Variants in PTPRN2 observed in about 807,000 individuals in gnomAD.
PTPRN2 encodes receptor-type tyrosine-protein phosphatase N2.
In PTPRN2, 74 loss-of-function variants were observed where a neutral mutation model predicts 118.8. The ratio of observed to expected loss-of-function variants is 0.62; its 90% CI spans 0.52 to 0.76. The LOEUF (loss-of-function observed/expected upper bound fraction) is 0.76. Ranked by LOEUF, PTPRN2 falls within the 30% of genes least tolerant of loss-of-function variation. PTPRN2 has a pLI of 0.00. For missense variants in PTPRN2, 1,481 were observed against 1,394.4 expected, an observed-to-expected ratio of 1.06 and a Z score of -0.99; for synonymous variants, 641 against 608.0, an observed-to-expected ratio of 1.05 and a Z score of -0.80.
intron 3 of PTPRN2, among the ~76,000 whole-genome samples, chr7:158,264,350 G>A (rs1333634467): frequency 2.0e-5 from 3 of 152,178 alleles, no homozygotes; most frequent in Non-Finnish European, 1.5e-5. Flanking sequence ...TCAAAGCACC[G>A]TGGAGTGAAG....
intron 1 of PTPRN2, among the ~76,000 whole-genome samples, chr7:158,569,032 A>C (rs1827818526): frequency 6.6e-6 from 1 of 152,176 alleles, no homozygotes; most frequent in Admixed American, 6.5e-5. Flanking sequence ...AGGCTGAGAC[A>C]GGAGAATCAC....
chr7:158,456,862 C>T (rs1399686647), intron 2 of PTPRN2, among the ~76,000 whole-genome samples: 7 of 152,192 alleles, frequency 4.6e-5, no homozygotes, highest in African/African-American at 1.4e-4. Context: ...GCAGCCTCCA[C>T]CTCCTGGGCT....
intron 12 of PTPRN2, 128 bp from the exon 13 acceptor site, chr7:157,683,065 C>T: frequency 1.2e-6 from 1 of 811,280 alleles, no homozygotes; most frequent in Non-Finnish European, 2.0e-6. Context: ...GCCCTGGAGC[C>T]ACAACGGGAG....
At chr7:157,625,106 C>G (rs557775672) in intron 14 of PTPRN2, among the ~76,000 whole-genome samples, 1 of 152,278 alleles carries the variant, frequency 6.6e-6, no homozygotes, top group African/African-American at 2.4e-5. Flanking sequence ...ATGCAGTGAA[C>G]AGGGAACACT....
At chr7:157,887,965 C>T (rs964491707) in intron 12 of PTPRN2, among the ~76,000 whole-genome samples, 1 of 150,460 alleles carries the variant, frequency 6.6e-6, no homozygotes, top group African/African-American at 2.5e-5. Flanking sequence ...CAGGCACCAC[C>T]GCCCCCTGCC....
intron 1 of PTPRN2, among the ~76,000 whole-genome samples, chr7:158,562,285 G>C (rs992362249): frequency 7.2e-5 from 11 of 152,280 alleles, no homozygotes; most frequent in African/African-American, 2.4e-4. Flanking sequence ...GCTCTCTGGA[G>C]CTGCCTTATT....
At chr7:157,745,548 T>C (rs562883458) in intron 12 of PTPRN2, among the ~76,000 whole-genome samples, 1 of 152,114 alleles carries the variant, frequency 6.6e-6, no homozygotes, top group Admixed American at 6.5e-5. Flanking sequence ...TGCTCACCTC[T>C]CTTCTCCCCT....
intron 12 of PTPRN2, among the ~76,000 whole-genome samples, chr7:157,708,464 G>T (rs181573606): frequency 3.4e-3 from 518 of 152,276 alleles, no homozygotes; most frequent in Non-Finnish European, 5.5e-3. Flanking sequence ...AGGTTGGGCA[G>T]TGGTGTGAGT....
intron 11 of PTPRN2, among the ~76,000 whole-genome samples, chr7:158,040,065 AAG>A (rs201380290): frequency 7.6e-5 from 9 of 117,816 alleles, no homozygotes; most frequent in East Asian, 5.9e-4. Context: ...ACAAAAAGCA[AAG>A]AGAGAGAGAG....
rs374642909 is a variant in PTPRN2 at position 158,445,989 on chromosome 7, C to T, written c.163+43746G>A. Among the ~76,000 whole-genome samples the T allele has an allele frequency of 9.9e-5, 15 of 152,264 alleles. No homozygotes were observed. The South Asian group carries it at 2.7e-3, about 27-fold the overall frequency. ...GACACTCAGCATGAGCAGGTAAACC[C>T]GGGCGCCCAGGTGAGCCTTCGGACC... On this transcript the variant is annotated intron_variant, in intron 2 of 22. Transcript: ENST00000389418.
chr7:157,919,305 T>C (rs1434533326), intron 11 of PTPRN2, among the ~76,000 whole-genome samples: 1 of 152,184 alleles, frequency 6.6e-6, no homozygotes, highest in Non-Finnish European at 1.5e-5. Flanking sequence ...ATCATTTGGG[T>C]ATTAAAAATA....
At chr7:157,731,298 C>T (rs1799885696) in intron 12 of PTPRN2, among the ~76,000 whole-genome samples, 1 of 152,200 alleles carries the variant, frequency 6.6e-6, no homozygotes, top group Admixed American at 6.5e-5. Context: ...AGCCCTGTTA[C>T]AGCCTAGTTG....
At chr7:157,692,930 C>A (rs1262395300) in intron 12 of PTPRN2, among the ~76,000 whole-genome samples, 1 of 152,064 alleles carries the variant, frequency 6.6e-6, no homozygotes, top group African/African-American at 2.4e-5. Flanking sequence ...CTCCCAGGGA[C>A]CTTCTCGGGC....
intron 4 of PTPRN2, among the ~76,000 whole-genome samples, chr7:158,193,828 C>T (rs1403743573): frequency 2.7e-5 from 4 of 150,676 alleles, no homozygotes; most frequent in Non-Finnish European, 4.4e-5. Context: ...CCATAGGAGA[C>T]GCCTCTACCA....
intron 6 of PTPRN2, among the ~76,000 whole-genome samples, chr7:158,153,877 G>T (rs1400593416): frequency 1.5e-5 from 2 of 131,224 alleles, no homozygotes; most frequent in Non-Finnish European, 3.3e-5. Context: ...TGGTGGGGAG[G>T]AGGGGGCACC....
chr7:158,264,946 CT>C (rs916593451), intron 3 of PTPRN2, among the ~76,000 whole-genome samples: 6 of 152,144 alleles, frequency 3.9e-5, no homozygotes, highest in Non-Finnish European at 7.4e-5. Flanking sequence ...GAAGAGCCCC[CT>C]GACCCTCACC....
chr7:157,586,386 AG>A (rs1166488475), intron 17 of PTPRN2, among the ~76,000 whole-genome samples: 3 of 152,128 alleles, frequency 2.0e-5, no homozygotes, highest in Non-Finnish European at 1.5e-5. Context: ...GTCACTGTCC[AG>A]GGGGTGGAAC....
At chr7:157,700,965 C>T (rs762982910) in intron 12 of PTPRN2, among the ~76,000 whole-genome samples, 2 of 152,148 alleles carry the variant, frequency 1.3e-5, no homozygotes, top group African/African-American at 4.8e-5. Context: ...CATCATTTCA[C>T]GCATGTGCAC....
chr7:158,193,160 C>A (rs190999729), intron 4 of PTPRN2, among the ~76,000 whole-genome samples: 1 of 152,194 alleles, frequency 6.6e-6, no homozygotes, highest in Non-Finnish European at 1.5e-5. Context: ...GGGACGCTTC[C>A]CGTGGGCAGA....
Sources: allele counts gnomAD v4.1 joint callset (sites outside exome capture counted in the v4.1 genomes callset), GRCh38; gene constraint gnomAD v4.1.1; transcripts MANE v1.5; gene names NCBI Gene and HGNC (gene_info 2026-07-23, HGNC 2026-07-21).